The following PRKCG variants were observed in gnomAD, a reference collection of about 807,000 sequenced individuals.
The protein encoded by PRKCG is protein kinase C gamma.
Under a neutral mutation model 82.0 loss-of-function variants are expected in PRKCG, and 28 were observed. The observed-to-expected ratio is 0.34, with a 90% CI of 0.25 to 0.47. PRKCG has a LOEUF of 0.47. Ranked by LOEUF, PRKCG falls within the 20% of genes least tolerant of loss-of-function variation. PRKCG has a pLI of 1.00. For missense variants in PRKCG, 640 were observed against 952.7 expected (o/e 0.67, Z 4.32); for synonymous variants, 383 against 376.6 (o/e 1.02, Z -0.20).
In PRKCG at chr19:53,892,725, T is replaced by C; in HGVS notation, c.821+82T>C. ...GTGTGGTCTCTCTCCTCCAGGCCAC[T>C]GTCCTTCCCTCTGCCTCCCAGCATG... On this transcript the variant is annotated intron_variant, in intron 7 of 17. Transcript: ENST00000263431. This position sits in a 1 kb window ranked among gnomAD's most constrained non-coding sequence, Gnocchi z 5.9. 6.6e-7 allele frequency: 1 copy of C among 1,526,246 alleles called. No homozygotes were observed. The highest frequency in any genetic ancestry group is 8.8e-7 in the Non-Finnish European group (1 of 1,136,814). The allele number at this position is 1,526,246 out of a possible 1,614,324, so 94.5% of individuals were successfully genotyped here.
At chr19:53,881,599 C>A (rs2068590177), upstream of PRKCG, among the ~76,000 whole-genome samples, 1 of 151,380 alleles carries the variant, frequency 6.6e-6, no homozygotes, top group Non-Finnish European at 1.5e-5. Context: ...GCGACAGATA[C>A]AGATGGAGAC....
chr19:53,892,758 A>G lies in PRKCG; in HGVS notation c.821+115A>G, dbSNP rs549641712. ...CCTCTGCCTCCCAGCATGCGCACAC[A>G]CACACACACACACACACACACACGC... is the stretch of plus-strand genomic sequence containing the variant. On this transcript the variant is annotated intron_variant, in intron 7 of 17. Coordinates refer to ENST00000263431, the MANE Select transcript of PRKCG (RefSeq NM_002739.5). The surrounding 1 kb of genome is among the most constrained non-coding windows in gnomAD (Gnocchi z 5.9). 0.36 allele frequency: 394,572 copies of G among 1,108,910 alleles called. 46,984 individuals are homozygous for G. The highest frequency in any genetic ancestry group is 0.39 in the Admixed American group (18,364 of 46,532). The allele number at this position is 1,108,910 out of a possible 1,614,324, so 68.7% of individuals were successfully genotyped here.
intron 17 of PRKCG, 95 bp from the exon 18 acceptor site, chr19:53,906,612 T>A: frequency 6.4e-7 from 1 of 1,557,760 alleles, no homozygotes; most frequent in Non-Finnish European, 8.8e-7. Context: ...GAATAGAGAT[T>A]CTGCAGGAGA....
chr19:53,904,649 G>A lies in PRKCG; in HGVS notation c.1671G>A (p.Gly557=). Residue 557 remains glycine, a synonymous_variant, in exon 16 of 18, where the codon GGG becomes GGA. Coordinates refer to ENST00000263431, the MANE Select transcript of PRKCG (RefSeq NM_002739.5). The part of the protein sequence containing the change: ...EMLAGQPPFD[G]EDEEELFQAI... ...CACTTTGATAGCCTCCCTTCGATGG[G>A]GAGGACGAGGAGGAGCTGTTTCAGG... 2 of 1,613,414 alleles carry A rather than the reference G, an allele frequency of 1.2e-6. No homozygotes were observed. Among genetic ancestry groups the A allele is most frequent in the Non-Finnish European group, 1.7e-6 (2 of 1,179,868 alleles).
chr19:53,900,703 C>T lies in PRKCG; in HGVS notation c.1529C>T (p.Thr510Met), dbSNP rs749199519. 8.7e-6 allele frequency: 14 copies of T among 1,614,110 alleles called. No individual in the cohort carries two copies. The highest frequency in any genetic ancestry group is 1.1e-5 in the Non-Finnish European group (13 of 1,180,062). Residue 510 changes from threonine (T) to methionine (M), a missense_variant, in exon 14 of 18, where the codon ACG becomes ATG. Thr to Met is a moderately conservative substitution (Grantham distance 81). Transcript: ENST00000263431. This position sits in a 1 kb window ranked among gnomAD's most constrained non-coding sequence, Gnocchi z 4.2. ...GMCKENVFPG[T>M]TTRTFCGTPD... The stretch of plus-strand genomic sequence containing the variant: ...TGTAAGGAGAACGTCTTCCCCGGGA[C>T]GACAACCCGCACCTTCTGCGGGACC...
Position 53,906,766 on chromosome 19 carries a change from C to T in PRKCG, c.1965C>T (p.Thr655=), listed in dbSNP as rs377048951. 3 of 1,613,548 alleles carry T rather than the reference C, an allele frequency of 1.9e-6. No individual in the cohort carries two copies. The highest frequency in any genetic ancestry group is 2.5e-6 in the Non-Finnish European group (3 of 1,179,996). Residue 655 remains threonine, a synonymous_variant, in exon 18 of 18, where the codon ACC becomes ACT. Coordinates refer to ENST00000263431, the MANE Select transcript of PRKCG (RefSeq NM_002739.5). ...TCACGCGGGCGGCGCCAGCGCTGAC[C>T]CCTCCAGACCGCCTAGTCCTGGCCA... ...KFFTRAAPAL[T]PPDRLVLASI...
intron 5 of PRKCG, 38 bp from the exon 6 acceptor site, chr19:53,891,636 T>G: frequency 6.2e-7 from 1 of 1,611,260 alleles, no homozygotes; most frequent in Non-Finnish European, 8.5e-7. Flanking sequence ...CCTTCCTGGA[T>G]CTCTAACCCG....
In PRKCG at chr19:53,906,943, G is replaced by A. The variant is rs775600229; in HGVS notation, c.*48G>A. The stretch of plus-strand genomic sequence containing the variant: ...TCCCCAACGTCCCCTCCGCCGTGCC[G>A]GCGGCAGCCCCACTTCACCCCCAAC... On this transcript the variant is annotated 3_prime_UTR_variant, in exon 18 of 18. Coordinates refer to ENST00000263431, the MANE Select transcript of PRKCG (RefSeq NM_002739.5). 19 of 1,606,968 alleles carry A rather than the reference G, an allele frequency of 1.2e-5. No individual in the cohort carries two copies. The highest frequency in any genetic ancestry group is 1.1e-4 in the South Asian group (10 of 90,812).
At position 53,892,218 on chromosome 19, in the gene PRKCG, A is replaced by G. The variant is rs1335965920; in HGVS notation, c.687-291A>G. Among the ~76,000 whole-genome samples the G allele has an allele frequency of 6.6e-6, 1 of 152,118 alleles. No homozygotes were observed. Among genetic ancestry groups the G allele is most frequent in the Non-Finnish European group, 1.5e-5 (1 of 68,024 alleles). ...ACAGAGTGATAGAGACCCAGAGAGG[A>G]GAGAAGGGTACAGAGACTCAGAGAG... On this transcript the variant is annotated intron_variant, in intron 6 of 17. Transcript: ENST00000263431. This position sits in a 1 kb window ranked among gnomAD's most constrained non-coding sequence, Gnocchi z 5.9.
intron 14 of PRKCG, among the ~76,000 whole-genome samples, chr19:53,902,000 G>T (rs1385966836): frequency 4.6e-5 from 7 of 151,888 alleles, no homozygotes; most frequent in Non-Finnish European, 1.0e-4. Context: ...TGTACGTATA[G>T]ATGGATAAAG....
At position 53,893,088 on chromosome 19, in the gene PRKCG, T is replaced by C. The variant is rs2068691946; in HGVS notation, c.909+13T>C. On this transcript the variant is annotated intron_variant, in intron 8 of 17. Coordinates refer to ENST00000263431, the MANE Select transcript of PRKCG (RefSeq NM_002739.5). ...CCAGAAGTTTGAGGTACCCAGACCC[T>C]GGCTTCCTCAAGGGAGCCCAGCCCA... is the stretch of plus-strand genomic sequence containing the variant. 10 of 1,611,940 alleles carry C rather than the reference T, an allele frequency of 6.2e-6. No individual in the cohort carries two copies. The highest frequency in any genetic ancestry group is 7.6e-6 in the Non-Finnish European group (9 of 1,178,486).
Position 53,889,618 on chromosome 19 carries a change from C to T in PRKCG, c.286-20C>T, listed in dbSNP as rs1278614091. 6.2e-7 allele frequency: 1 copy of T among 1,604,868 alleles called. No individual in the cohort carries two copies. Among genetic ancestry groups the T allele is most frequent in the Non-Finnish European group, 8.5e-7 (1 of 1,171,778 alleles). The stretch of plus-strand genomic sequence containing the variant: ...TAGGACCCTCCCAACGCCCCCTAAG[C>T]CAGTCTTCTCTGCCCCCAGGACCCC... On this transcript the variant is annotated intron_variant, in intron 3 of 17. Transcript: ENST00000263431. This position sits in a 1 kb window ranked among gnomAD's most constrained non-coding sequence, Gnocchi z 4.4.
intron 3 of PRKCG, among the ~76,000 whole-genome samples, chr19:53,886,951 A>G (rs1020890444): frequency 3.3e-5 from 5 of 152,242 alleles, no homozygotes; most frequent in African/African-American, 1.2e-4. Context: ...TTTCTGACAC[A>G]TAGCAAGAGC....
At chr19:53,897,488 A>G (rs1444025484) in intron 9 of PRKCG, among the ~76,000 whole-genome samples, 1 of 152,216 alleles carries the variant, frequency 6.6e-6, no homozygotes, top group Non-Finnish European at 1.5e-5. Flanking sequence ...TTATAGAGTT[A>G]GAAAATCTGG....
intron 16 of PRKCG, among the ~76,000 whole-genome samples, chr19:53,905,549 TC>T (rs1038548386): frequency 1.3e-5 from 2 of 151,542 alleles, no homozygotes; most frequent in Admixed American, 1.3e-4. Flanking sequence ...CTCCTCTGTC[TC>T]CTCCCTTCTC....
intron 6 of PRKCG, 23 bp downstream of exon 6, chr19:53,891,853 G>A (rs1371505855): frequency 2.5e-6 from 4 of 1,613,654 alleles, no homozygotes; most frequent in East Asian, 2.2e-5. Flanking sequence ...TGCAGGGAAG[G>A]CAATGACAGC....
intron 15 of PRKCG, among the ~76,000 whole-genome samples, chr19:53,903,782 G>T (rs1300837749): frequency 6.6e-6 from 1 of 151,802 alleles, no homozygotes; most frequent in Non-Finnish European, 1.5e-5. Flanking sequence ...CATTTTGAAA[G>T]ATAGTCACCA....
At chr19:53,902,688 A>G (rs1236655877) in intron 14 of PRKCG, among the ~76,000 whole-genome samples, 1 of 151,852 alleles carries the variant, frequency 6.6e-6, no homozygotes, top group Non-Finnish European at 1.5e-5. Context: ...TGAGTCCGGG[A>G]GTTTGAGACC....
intron 14 of PRKCG, among the ~76,000 whole-genome samples, 171 bp from the exon 15 acceptor site, chr19:53,902,902 A>AC (rs1189405341): frequency 6.6e-6 from 1 of 151,098 alleles, no homozygotes; most frequent in Non-Finnish European, 1.5e-5. Flanking sequence ...AAAAAAAAAA[A>AC]AAAAAAAAAA....
Sources: allele counts gnomAD v4.1 joint callset (sites outside exome capture counted in the v4.1 genomes callset), GRCh38; gene constraint gnomAD v4.1.1; non-coding constraint Gnocchi (gnomAD v3.1); transcripts MANE v1.5; gene names NCBI Gene and HGNC (gene_info 2026-07-23, HGNC 2026-07-21).